Variants in KIF16B observed in about 807,000 individuals in gnomAD.
KIF16B encodes kinesin family member 16B, also known as kinesin-like protein KIF16B.
Under a neutral mutation model 156.3 loss-of-function variants are expected in KIF16B, and 98 were observed. The ratio of observed to expected loss-of-function variants is 0.63; its 90% CI spans 0.53 to 0.74. The LOEUF (loss-of-function observed/expected upper bound fraction) is 0.74, where lower values mean the gene tolerates loss of function less well. Ranked by LOEUF, KIF16B falls within the 30% of genes least tolerant of loss-of-function variation. The probability of loss-of-function intolerance (pLI) is 0.00; values close to 1 mark genes in which losing one functional copy is unlikely to be tolerated. For missense variants in KIF16B, 1,421 were observed against 1,606.5 expected, an observed-to-expected ratio of 0.88 and a Z score of 1.97; for synonymous variants, 564 against 583.7, an observed-to-expected ratio of 0.97 and a Z score of 0.49.
intron 23 of KIF16B, among the ~76,000 whole-genome samples, chr20:16,349,122 C>T (rs1296803178): frequency 6.6e-6 from 1 of 152,208 alleles, no homozygotes; most frequent in African/African-American, 2.4e-5. Flanking sequence ...TCTGGGCACC[C>T]TTTGTCTGCC....
chr20:16,291,652 G>A (rs2063316703), intron 25 of KIF16B, among the ~76,000 whole-genome samples: 1 of 152,100 alleles, frequency 6.6e-6, no homozygotes, highest in Non-Finnish European at 1.5e-5. Flanking sequence ...AAAAATACTG[G>A]GCTAATTGAG....
chr20:16,422,131 T>C (rs1235570233), intron 15 of KIF16B, among the ~76,000 whole-genome samples: 1 of 152,166 alleles, frequency 6.6e-6, no homozygotes, highest in East Asian at 1.9e-4. Context: ...ACATTATTTA[T>C]ATACCATGCC....
At chr20:16,466,454 G>A (rs2067493357) in intron 12 of KIF16B, among the ~76,000 whole-genome samples, 1 of 152,338 alleles carries the variant, frequency 6.6e-6, no homozygotes, top group South Asian at 2.1e-4. Context: ...GACCCAGTGG[G>A]AGGTAACTGA....
chr20:16,553,783 G>A (rs1223485204), intron 1 of KIF16B, among the ~76,000 whole-genome samples: 2 of 152,224 alleles, frequency 1.3e-5, no homozygotes, highest in Non-Finnish European at 2.9e-5. Context: ...TACAGCGGGG[G>A]AGGTGCAGCT....
chr20:16,431,374 T>G (rs1344244750), intron 12 of KIF16B, among the ~76,000 whole-genome samples: 1 of 152,200 alleles, frequency 6.6e-6, no homozygotes, highest in Non-Finnish European at 1.5e-5. Flanking sequence ...TCTCATCCCA[T>G]GCTCACTCAC....
intron 1 of KIF16B, among the ~76,000 whole-genome samples, chr20:16,562,327 T>C (rs1168221437): frequency 6.6e-6 from 1 of 152,094 alleles, no homozygotes; most frequent in African/African-American, 2.4e-5. Flanking sequence ...AATCTTAATC[T>C]TCATTGGGAG....
intron 15 of KIF16B, among the ~76,000 whole-genome samples, chr20:16,426,371 T>G (rs896116565): frequency 2.0e-5 from 3 of 151,894 alleles, no homozygotes; most frequent in Non-Finnish European, 4.4e-5. Context: ...GCCAAAGTCA[T>G]AAAAGTCTAG....
At chr20:16,380,294 A>G in intron 18 of KIF16B, 131 bp from the exon 19 acceptor site, 2 of 774,146 alleles carry the variant, frequency 2.6e-6, no homozygotes, top group Non-Finnish European at 3.6e-6. Flanking sequence ...AAGAAGAGTA[A>G]CTGCTTTCCT....
chr20:16,549,675 C>G lies in KIF16B; in HGVS notation c.48-21235G>C, dbSNP rs1163972096. ...TATAGATCAATGGAACAGAACAGAG[C>G]CCTCAGAAATAACGCCGCATACCTA... On this transcript the variant is annotated intron_variant, in intron 1 of 25. Coordinates refer to ENST00000354981, the MANE Select transcript of KIF16B (RefSeq NM_024704.5). 2.1e-3 allele frequency among the ~76,000 whole-genome samples: 313 copies of G among 149,270 alleles called. 3 individuals carry two copies. The highest frequency in any genetic ancestry group is 7.0e-3 in the African/African-American group (281 of 40,410).
chr20:16,430,946 CAA>C (rs1276827454), intron 12 of KIF16B, among the ~76,000 whole-genome samples: 13 of 151,206 alleles, frequency 8.6e-5, no homozygotes, highest in African/African-American at 3.2e-4. Context: ...AAACAAAAAA[CAA>C]AAAACAAAAC....
intron 15 of KIF16B, among the ~76,000 whole-genome samples, chr20:16,407,079 T>C (rs2065804621): frequency 6.6e-6 from 1 of 152,202 alleles, no homozygotes; most frequent in Non-Finnish European, 1.5e-5. Context: ...ATGACAGTCT[T>C]CCTTATTCAG....
At chr20:16,474,305 C>G (rs892099924) in intron 12 of KIF16B, among the ~76,000 whole-genome samples, 3 of 152,182 alleles carry the variant, frequency 2.0e-5, no homozygotes, top group East Asian at 3.9e-4. Flanking sequence ...GTTTCTTACC[C>G]GCTCCAGCCT....
rs73244228 is a variant in KIF16B at position 16,548,280 on chromosome 20, T to A, written c.48-19840A>T. On this transcript the variant is annotated intron_variant, in intron 1 of 25. Transcript: ENST00000354981. ...GGAGCTACAAGGTTCGGAGGATGGA[T>A]TCAGAGTGCACATAGAACGATAAAG... is the stretch of plus-strand genomic sequence containing the variant. 6.1e-3 allele frequency among the ~76,000 whole-genome samples: 928 copies of A among 152,180 alleles called. 8 individuals are homozygous for A. The highest frequency in any genetic ancestry group is 0.022 in the African/African-American group (897 of 41,516).
At chr20:16,456,096 CCAATA>C (rs56823966) in intron 12 of KIF16B, among the ~76,000 whole-genome samples, 29,946 of 143,228 alleles carry the variant, frequency 0.21, 3,256 homozygotes, top group East Asian at 0.35. Flanking sequence ...TCTACTGGAG[CCAATA>C]CAATACAATA....
intron 3 of KIF16B, among the ~76,000 whole-genome samples, chr20:16,520,889 G>T (rs367563742): frequency 6.6e-6 from 1 of 152,202 alleles, no homozygotes; most frequent in East Asian, 1.9e-4. Flanking sequence ...AGGCAAACAG[G>T]GTCTGGAGTG....
intron 22 of KIF16B, among the ~76,000 whole-genome samples, chr20:16,359,668 A>AC (rs1202866225): frequency 9.9e-5 from 15 of 151,878 alleles, no homozygotes; most frequent in South Asian, 2.1e-4. Context: ...AAAAAAAAAA[A>AC]AAAAAACCCT....
rs1253025430 is a variant in KIF16B, at chr20:16,515,657, T to C, written c.239A>G (p.Lys80Arg). The C allele has an allele frequency of 2.5e-6, 4 of 1,601,768 alleles. No homozygotes were observed. Among genetic ancestry groups the C allele is most frequent in the Admixed American group, 3.3e-5 (2 of 59,744 alleles). ...CTTCACGACATCTGTGCCGAGGGTT[T>C]TGAAAACCTGAAAGCCAAAAAGAAC... Reference protein sequence around the residue: ...PDYVSQEMVFKTLGTDVVKSA... With the variant: ...PDYVSQEMVFRTLGTDVVKSA... The change falls in exon 4 of 26, where the codon AAA becomes AGA. Residue 80 changes from lysine to arginine, a missense_variant. Transcript: ENST00000354981.
Position 16,526,201 on chromosome 20 carries a change from G to A in KIF16B, c.122C>T (p.Pro41Leu). 6.5e-7 allele frequency: 1 copy of A among 1,538,054 alleles called. No homozygotes were observed. The highest frequency in any genetic ancestry group is 8.9e-7 in the Non-Finnish European group (1 of 1,126,080). The change falls in exon 3 of 26, where the codon CCA becomes CTA. Residue 41 changes from proline to leucine, a missense_variant. Physicochemically the swap from Pro to Leu is moderately conservative, Grantham distance 98. Coordinates refer to ENST00000354981, the MANE Select transcript of KIF16B (RefSeq NM_024704.5). ...TCCTGAGTCCCCAGTGCCTCCTTCT[G>A]GTATCTAGAAAGAAATGATTAGAAT... is the stretch of plus-strand genomic sequence containing the variant. ...SKTTITNLKI[P>L]EGGTGDSGRE... is the part of the protein sequence containing the mutation.
intron 22 of KIF16B, among the ~76,000 whole-genome samples, chr20:16,366,431 A>C (rs151201745): frequency 1.4e-4 from 21 of 152,356 alleles, no homozygotes; most frequent in Non-Finnish European, 2.8e-4. Context: ...GTTCTGAGAA[A>C]GAACTGGAAT....
Sources: allele counts gnomAD v4.1 joint callset (sites outside exome capture counted in the v4.1 genomes callset), GRCh38; gene constraint gnomAD v4.1.1; transcripts MANE v1.5; gene names NCBI Gene and HGNC (gene_info 2026-07-23, HGNC 2026-07-21).